DCTN1: variants seen among roughly 807,000 people sequenced by gnomAD.
DCTN1 encodes 150 kDa dynein-associated polypeptide.
Under a neutral mutation model 161.2 loss-of-function variants are expected in DCTN1, and 61 were observed. The ratio of observed to expected loss-of-function variants is 0.38; its 90% CI spans 0.31 to 0.47. The LOEUF is 0.47. Ranked by LOEUF, DCTN1 falls within the 20% of genes least tolerant of loss-of-function variation. The probability of loss-of-function intolerance (pLI) is 0.99; values close to 1 mark genes in which losing one functional copy is unlikely to be tolerated. For missense variants in DCTN1, 1,404 were observed against 1,623.7 expected (o/e 0.86, Z 2.33); for synonymous variants, 653 against 632.4 (o/e 1.03, Z -0.49).
chr2:74,363,094 T>G lies in DCTN1; in HGVS notation c.3429A>C (p.Leu1143Phe). 6.2e-7 allele frequency: 1 copy of G among 1,613,840 alleles called. No homozygotes were observed. The highest frequency in any genetic ancestry group is 1.3e-5 in the African/African-American group (1 of 75,044). The change falls in exon 29 of 32, where the codon TTA becomes TTC. Residue 1143 changes from leucine (L) to phenylalanine (F), a missense_variant. Physicochemically the swap from Leu to Phe is conservative, Grantham distance 22 (BLOSUM62 0). Transcript: ENST00000628224. ...KLSHEGPGSE[L>F]PAGALYRKTS... ...TCTTACGATACAGCGCTCCAGCTGGTAACTCACTGCCAGGGCCCTCATGGG... is the reference window on the plus strand; with the variant it reads ...TCTTACGATACAGCGCTCCAGCTGGGAACTCACTGCCAGGGCCCTCATGGG...
At chr2:74,374,250 AC>A in intron 6 of DCTN1, 72 bp downstream of exon 6, 4 of 717,000 alleles carry the variant, frequency 5.6e-6, no homozygotes, top group Admixed American at 2.3e-5. Flanking sequence ...ATCAGCCCCC[AC>A]CCCCACCCCA....
At chr2:74,376,679 AGGACAGCTGGGGAAGG>A (rs1217970397) in intron 5 of DCTN1, 47 bp downstream of exon 5, 1 of 1,493,168 alleles carries the variant, frequency 6.7e-7, no homozygotes, top group Admixed American at 1.9e-5. Context: ...AGGGACATGC[AGGACAGCTGGGGAAGG>A]GGCTCATGGC....
chr2:74,380,020 C>T lies in DCTN1; in HGVS notation c.18G>A (p.Arg6=), dbSNP rs554579142. The part of the protein sequence containing the change: MAQSK[R]HVYSRTPSGS... ...GGCCACTTACCCGGCTGTACACGTGCCTCTTGCTCTGTGCCATGTTGCTCA... is the reference window on the plus strand; with the variant it reads ...GGCCACTTACCCGGCTGTACACGTGTCTCTTGCTCTGTGCCATGTTGCTCA... Residue 6 remains arginine (R), a synonymous_variant, in exon 1 of 32, where the codon AGG becomes AGA. Coordinates refer to ENST00000628224, the MANE Select transcript of DCTN1 (RefSeq NM_004082.5). The T allele has an allele frequency of 4.3e-6, 7 of 1,614,060 alleles. No individual in the cohort carries two copies. The African/African-American group carries it at 8.0e-5, about 18-fold the overall frequency.
chr2:74,370,016 G>A lies in DCTN1; in HGVS notation c.1341C>T (p.Asn447=). 1 of 1,614,094 alleles carries A rather than the reference G, an allele frequency of 6.2e-7. No individual in the cohort carries two copies. The highest frequency in any genetic ancestry group is 8.5e-7 in the Non-Finnish European group (1 of 1,180,020). ...CGCGCACTTTCTCTTCCAGATTCAG[G>A]TTCCGATCTGTCAGCATCTCCACCA... ...EEMVEMLTDR[N]LNLEEKVREL... is the part of the protein sequence containing the mutation. Residue 447 remains asparagine (N), a synonymous_variant, in exon 13 of 32, where the codon AAC becomes AAT. Coordinates refer to ENST00000628224, the MANE Select transcript of DCTN1 (RefSeq NM_004082.5). The surrounding 1 kb of genome is among the most constrained non-coding windows in gnomAD (Gnocchi z 4.4).
chr2:74,365,889 T>A lies in DCTN1; in HGVS notation c.2886+4A>T, dbSNP rs1558935816. The stretch of plus-strand genomic sequence containing the variant: ...CCCAGATCCTGAGCCTACACTACCC[T>A]CACCTTAATCTTGAGTGACTTCTTC... On this transcript the variant is annotated splice_donor_region_variant and intron_variant, in intron 24 of 31. Coordinates refer to ENST00000628224, the MANE Select transcript of DCTN1 (RefSeq NM_004082.5). 6.2e-7 allele frequency: 1 copy of A among 1,614,196 alleles called. No homozygotes were observed. The highest frequency in any genetic ancestry group is 1.7e-5 in the Admixed American group (1 of 60,030).
At chr2:74,386,831 C>A (rs1432407168) in intron 1 of DCTN1, 1 of 152,112 alleles carries the variant, frequency 6.6e-6, no homozygotes, top group Non-Finnish European at 1.5e-5. Context: ...CCCACCCCTT[C>A]CCCTCTCCTC....
At chr2:74,364,607 A>G (rs909480558) in intron 26 of DCTN1, 2 of 253,746 alleles carry the variant, frequency 7.9e-6, no homozygotes, top group Non-Finnish European at 1.5e-5. Context: ...AACTGGGATA[A>G]TTCAGCAGTG....
Position 74,367,980 on chromosome 2 carries a change from C to T in DCTN1, c.2006G>A (p.Arg669His), listed in dbSNP as rs140523637. The change falls in exon 17 of 32, where the codon CGC (arginine) becomes CAC (histidine). Residue 669 changes from arginine to histidine, a missense_variant. Arg to His is a conservative substitution (Grantham distance 29). Around this residue, in one of 9 missense-constraint regions of DCTN1, gnomAD observed 475 missense variants for 489.8 expected, o/e 0.97. Coordinates refer to ENST00000628224, the MANE Select transcript of DCTN1 (RefSeq NM_004082.5). ...SLSLLQATLH[R>H]YEHALSQCSV... ...GTCAGGAGTCACTTACTGCTCATAG[C>T]GGTGTAGCGTGGCCTGCAGCAGGCT... 27 of 1,614,100 alleles carry T rather than the reference C, an allele frequency of 1.7e-5. No homozygotes were observed. Among genetic ancestry groups the T allele is most frequent in the African/African-American group, 8.0e-5 (6 of 74,922 alleles).
intron 26 of DCTN1, 182 bp from the exon 27 acceptor site, chr2:74,363,810 T>A: frequency 1.2e-6 from 1 of 810,356 alleles, no homozygotes; most frequent in Non-Finnish European, 2.1e-6. Flanking sequence ...AGCAGATAAG[T>A]GTTAAAGAAA....
At chr2:74,364,828 A>G in intron 26 of DCTN1, 1 of 557,596 alleles carries the variant, frequency 1.8e-6, no homozygotes, top group South Asian at 2.0e-5. Context: ...ACTAGAGACC[A>G]ACTGTCATCA....
rs1675444201 is a variant in DCTN1, at chr2:74,380,095, A to G, written c.-58T>C. 8 of 1,602,980 alleles carry G rather than the reference A, an allele frequency of 5.0e-6. No homozygotes were observed. Among genetic ancestry groups the G allele is most frequent in the Non-Finnish European group, 6.0e-6 (7 of 1,170,988 alleles). Reference sequence around the variant, plus strand: ...CTGGCCAAAGACAGAGAGAAAAGGTAGAAACCTAGGCAGGAGGGTCAGGGC... The same window carrying G: ...CTGGCCAAAGACAGAGAGAAAAGGTGGAAACCTAGGCAGGAGGGTCAGGGC... On this transcript the variant is annotated 5_prime_UTR_variant, in exon 1 of 32. Coordinates refer to ENST00000628224, the MANE Select transcript of DCTN1 (RefSeq NM_004082.5).
rs139061654 is a variant in DCTN1 at position 74,369,182 on chromosome 2, T to C, written c.1617A>G (p.Glu539=). Residue 539 remains glutamate (E), a synonymous_variant, in exon 15 of 32, where the codon GAA becomes GAG. Transcript: ENST00000628224. This position sits in a 1 kb window ranked among gnomAD's most constrained non-coding sequence, Gnocchi z 4.9. ...DVNRELTNQQ[E]ASVERQQQPP... ...GCTGCTGTTGCCTCTCCACAGATGCTTCCTGCTGGTTTGTCAGTTCCCGAT... is the reference window on the plus strand; with the variant it reads ...GCTGCTGTTGCCTCTCCACAGATGCCTCCTGCTGGTTTGTCAGTTCCCGAT... The C allele has an allele frequency of 3.6e-4, 585 of 1,614,258 alleles. 2 individuals are homozygous for C. In the African/African-American group the frequency reaches 7.4e-3, roughly 21 times the overall value.
Position 74,365,074 on chromosome 2 carries a change from C to T in DCTN1, c.3196+1G>A. On this transcript the variant is annotated splice_donor_variant, in intron 26 of 31. Transcript: ENST00000628224. LOFTEE classifies it high-confidence loss of function. ...AGTGCTGCCTATTCCACAGTACTCA[C>T]CACCAGCAATGCCAGAGACCAGAGT... is the stretch of plus-strand genomic sequence containing the variant. The T allele has an allele frequency of 6.2e-7, 1 of 1,614,046 alleles. No individual in the cohort carries two copies. The highest frequency in any genetic ancestry group is 8.5e-7 in the Non-Finnish European group (1 of 1,180,000).
Position 74,362,994 on chromosome 2 carries a change from C to T in DCTN1, c.3529G>A (p.Ala1177Thr). 4 of 1,611,742 alleles carry T rather than the reference C, an allele frequency of 2.5e-6. No individual in the cohort carries two copies. The highest frequency in any genetic ancestry group is 3.4e-6 in the Non-Finnish European group (4 of 1,179,028). The change falls in exon 29 of 32, where the codon GCT becomes ACT. Residue 1177 changes from alanine to threonine, a missense_variant and splice_region_variant. Physicochemically the swap from Ala to Thr is moderately conservative, Grantham distance 58. This residue lies in a region of DCTN1 where 311 missense variants were observed against 298.9 expected (regional missense o/e 1.04). Coordinates refer to ENST00000628224, the MANE Select transcript of DCTN1 (RefSeq NM_004082.5). ...HVVDITRTSP[A>T]AKSPSAQLME... ...ATCTTGGGGGTTGGCAGGTACATAC[C>T]AGGGCTGGTGCGAGTGATGTCTACT...
At chr2:74,374,227 A>G in intron 6 of DCTN1, 96 bp downstream of exon 6, 1 of 1,308,494 alleles carries the variant, frequency 7.6e-7, no homozygotes, top group Non-Finnish European at 1.1e-6. Flanking sequence ...GACCAGGTAG[A>G]CAGATGAAGT....
chr2:74,366,870 G>A lies in DCTN1; in HGVS notation c.2379C>T (p.Asp793=), dbSNP rs1335860851. 3 of 1,614,130 alleles carry A rather than the reference G, an allele frequency of 1.9e-6. No individual in the cohort carries two copies. In the East Asian group the frequency reaches 6.7e-5, roughly 36 times the overall value. ...GGATCTTCTTGCAGAACTGGCGGAT[G>A]TCACTGCATGAAGTTTCCAGATCCC... is the stretch of plus-strand genomic sequence containing the variant. ...LLRDLETSCS[D]IRQFCKKIRR... The change falls in exon 21 of 32, where the codon GAC becomes GAT. Residue 793 remains aspartate, a synonymous_variant. Coordinates refer to ENST00000628224, the MANE Select transcript of DCTN1 (RefSeq NM_004082.5).
In DCTN1 at chr2:74,367,081, C is replaced by G. The variant is rs1244396443; in HGVS notation, c.2280G>C (p.Met760Ile). Residue 760 changes from methionine to isoleucine, a missense_variant, in exon 20 of 32, where the codon ATG (methionine) becomes ATC (isoleucine). By Grantham distance (10) the Met-to-Ile change is conservative. This residue lies in a region of DCTN1 where 475 missense variants were observed against 489.8 expected (regional missense o/e 0.97). Coordinates refer to ENST00000628224, the MANE Select transcript of DCTN1 (RefSeq NM_004082.5). The part of the protein sequence containing the change: ...IKFTQSALDC[M>I]SVEVGRLRAF... Reference sequence around the variant, plus strand: ...CACGCAGCCGTCCTACCTCCACACTCATGCAGTCCAGAGCACTCTGCGTGA... The same window carrying G: ...CACGCAGCCGTCCTACCTCCACACTGATGCAGTCCAGAGCACTCTGCGTGA... 1 of 1,614,242 alleles carries G rather than the reference C, an allele frequency of 6.2e-7. No individual in the cohort carries two copies. Among genetic ancestry groups the G allele is most frequent in the East Asian group, 2.2e-5 (1 of 44,894 alleles).
chr2:74,386,373 A>G (rs1675730996), intron 1 of DCTN1, among the ~76,000 whole-genome samples: 1 of 152,256 alleles, frequency 6.6e-6, no homozygotes. Context: ...GATAATAACA[A>G]TAACTTTCTA....
In DCTN1 at chr2:74,370,719, C is replaced by T; in HGVS notation, c.950G>A (p.Arg317Gln). The change falls in exon 10 of 32, where the codon CGG becomes CAG. Residue 317 changes from arginine to glutamine, a missense_variant. By Grantham distance (43) the Arg-to-Gln change is conservative. Around this residue, in one of 9 missense-constraint regions of DCTN1, gnomAD observed 5 missense variants for 23.4 expected, o/e 0.21. Transcript: ENST00000628224. The surrounding 1 kb of genome is among the most constrained non-coding windows in gnomAD (Gnocchi z 4.4). ...CACCTCCTGCTGCAGGGACTCAGCC[C>T]GCTCTTCAGCCATCTCCTTGTCCAA... ...ATLDKEMAEE[R>Q]AESLQQEVEA... The T allele has an allele frequency of 4.3e-6, 7 of 1,614,194 alleles. No individual in the cohort carries two copies. Among genetic ancestry groups the T allele is most frequent in the African/African-American group, 1.3e-5 (1 of 75,056 alleles).
Sources: gnomAD v4.1 joint callset for allele counts (sites outside exome capture counted in the v4.1 genomes callset) on GRCh38, gnomAD v4.1.1 for gene constraint, gnomAD v4.1.1 regional missense constraint, Gnocchi (gnomAD v3.1) non-coding constraint, MANE v1.5 for transcripts, NCBI Gene and HGNC (gene_info 2026-07-23, HGNC 2026-07-21) for gene names.